The following NRG1 variants were observed in gnomAD, a reference collection of about 807,000 sequenced individuals.
NRG1 encodes the protein pro-neuregulin-1, membrane-bound isoform.
In NRG1, 18 loss-of-function variants were observed where a neutral mutation model predicts 63.8. The observed-to-expected ratio is 0.28, with a 90% CI of 0.19 to 0.42. NRG1 has a LOEUF of 0.42. NRG1 is among the 10% of genes least tolerant of loss of function. The pLI is 1.00. For synonymous variants in NRG1, 302 were observed against 301.3 expected (o/e 1.00, Z -0.02); for missense variants, 762 against 814.7 (o/e 0.94, Z 0.79).
chr8:32,766,540 TAAA>T (rs1211487724), exon 12 of NRG1: 1 of 152,228 alleles, frequency 6.6e-6, no homozygotes, highest in African/African-American at 2.4e-5. Flanking sequence ...ACCATGAATT[TAAA>T]ACCCTAAAAA....
chr8:32,030,121 G>A (rs1017930078), intron 1 of NRG1, among the ~76,000 whole-genome samples: 2 of 152,054 alleles, frequency 1.3e-5, no homozygotes, highest in Middle Eastern at 3.2e-3. Context: ...ATAAATATAT[G>A]TCTATACTAT....
chr8:32,760,557 CT>C (rs1830508882), intron 11 of NRG1, 151 bp downstream of exon 11: 5 of 1,448,744 alleles, frequency 3.5e-6, no homozygotes, highest in Non-Finnish European at 3.6e-6. Context: ...ATGAAGTCAT[CT>C]CTTTGTTTGA....
intron 1 of NRG1, among the ~76,000 whole-genome samples, chr8:32,190,334 G>A (rs1250193923): frequency 6.6e-6 from 1 of 151,896 alleles, no homozygotes; most frequent in Non-Finnish European, 1.5e-5. Context: ...AGCCTCTGTA[G>A]CCAAATTATC....
intron 1 of NRG1, among the ~76,000 whole-genome samples, chr8:31,832,384 C>T (rs567907700): frequency 7.9e-5 from 12 of 151,898 alleles, no homozygotes; most frequent in Non-Finnish European, 8.8e-5. Context: ...GTCAGCCTCC[C>T]GAGTAGCTGG....
intron 1 of NRG1, among the ~76,000 whole-genome samples, chr8:31,996,661 C>T (rs927155661): frequency 6.6e-6 from 1 of 151,982 alleles, no homozygotes; most frequent in African/African-American, 2.4e-5. Context: ...AAGAAAATTG[C>T]TTGAGCTGGA....
At chr8:31,703,552 T>C (rs1205826093) in intron 1 of NRG1, among the ~76,000 whole-genome samples, 2 of 152,188 alleles carry the variant, frequency 1.3e-5, no homozygotes, top group Non-Finnish European at 2.9e-5. Context: ...TATTGGACAA[T>C]TGCACCATTT....
intron 1 of NRG1, among the ~76,000 whole-genome samples, chr8:31,836,759 T>G (rs1825726674): frequency 6.6e-6 from 1 of 152,090 alleles, no homozygotes. Context: ...TTTGGACACA[T>G]AACTTTCATG....
intron 1 of NRG1, among the ~76,000 whole-genome samples, chr8:31,991,549 G>T (rs1443279426): frequency 6.6e-6 from 1 of 151,818 alleles, no homozygotes; most frequent in Admixed American, 6.6e-5. Flanking sequence ...TAATATATTT[G>T]ATATGAGTGC....
At chr8:32,045,282 A>G (rs75772506) in intron 1 of NRG1, among the ~76,000 whole-genome samples, 1,695 of 152,074 alleles carry the variant, frequency 0.011, 26 homozygotes, top group African/African-American at 0.036. Context: ...CAAAACATGT[A>G]CAAGATATGT....
intron 1 of NRG1, among the ~76,000 whole-genome samples, chr8:32,196,938 A>G (rs570509506): frequency 2.9e-5 from 2 of 69,158 alleles, no homozygotes; most frequent in South Asian, 1.1e-3. Flanking sequence ...TGTTCTCAGA[A>G]CATTCTTTTT....
chr8:31,871,972 T>C (rs952097203), intron 1 of NRG1, among the ~76,000 whole-genome samples: 5 of 152,184 alleles, frequency 3.3e-5, no homozygotes, highest in African/African-American at 1.2e-4. Flanking sequence ...TTACCTAGGT[T>C]AGTATTGCCT....
chr8:32,141,684 A>C (rs1309842109), intron 1 of NRG1, among the ~76,000 whole-genome samples: 4 of 144,086 alleles, frequency 2.8e-5, no homozygotes, highest in African/African-American at 7.6e-5. Context: ...ACAACTTTTC[A>C]CTAATATCTG....
At chr8:32,080,764 CGTGTGTGT>C (rs3084557) in intron 1 of NRG1, among the ~76,000 whole-genome samples, 63,631 of 148,594 alleles carry the variant, frequency 0.43, 15,106 homozygotes, top group Non-Finnish European at 0.54. Flanking sequence ...TGTGTGTGTG[CGTGTGTGT>C]GTGTGTGTGT....
At chr8:31,679,695 A>G (rs1018426678) in intron 1 of NRG1, among the ~76,000 whole-genome samples, 2 of 152,260 alleles carry the variant, frequency 1.3e-5, no homozygotes, top group South Asian at 2.1e-4. Context: ...CAGCATTATT[A>G]TATAGGAAAT....
chr8:32,353,363 A>G (rs755061721), intron 1 of NRG1, among the ~76,000 whole-genome samples: 4 of 151,480 alleles, frequency 2.6e-5, no homozygotes, highest in South Asian at 2.1e-4. Flanking sequence ...AATAATGATT[A>G]TATGTATAAT....
At chr8:32,714,041 T>C (rs1467385153) in intron 5 of NRG1, among the ~76,000 whole-genome samples, 2 of 152,074 alleles carry the variant, frequency 1.3e-5, no homozygotes, top group Admixed American at 6.6e-5. Flanking sequence ...AGCAAGCTTG[T>C]CTCAAACTCC....
At chr8:31,656,551 C>A (rs2130912799) in intron 1 of NRG1, among the ~76,000 whole-genome samples, 1 of 152,260 alleles carries the variant, frequency 6.6e-6, no homozygotes, top group East Asian at 1.9e-4. Flanking sequence ...GTTTTAAATA[C>A]TCTGAGGCTT....
intron 1 of NRG1, among the ~76,000 whole-genome samples, chr8:32,220,380 A>G (rs984348964): frequency 6.6e-6 from 1 of 151,962 alleles, no homozygotes; most frequent in Non-Finnish European, 1.5e-5. Context: ...TTGCCCTTGT[A>G]TTCCACGCAT....
chr8:31,891,590 A>G (rs965916595), intron 1 of NRG1, among the ~76,000 whole-genome samples: 5 of 152,316 alleles, frequency 3.3e-5, no homozygotes, highest in Admixed American at 2.0e-4. Context: ...AATTTCATAA[A>G]TTAAACATAC....
Sources: gnomAD v4.1 joint callset for allele counts (sites outside exome capture counted in the v4.1 genomes callset) on GRCh38, gnomAD v4.1.1 for gene constraint, MANE v1.5 for transcripts, NCBI Gene and HGNC (gene_info 2026-07-23, HGNC 2026-07-21) for gene names.